Variants in C1orf87 observed in about 807,000 individuals in gnomAD.
C1orf87 encodes chromosome 1 open reading frame 87.
Under a neutral mutation model 60.5 loss-of-function variants are expected in C1orf87, and 58 were observed. The ratio of observed to expected loss-of-function variants is 0.96; its 90% CI spans 0.78 to 1.19. The LOEUF is 1.19. Among genes scored for constraint, C1orf87 ranks in the 50% most tolerant of loss-of-function variants. The pLI is 0.00. For synonymous variants in C1orf87, 236 were observed against 227.4 expected, an observed-to-expected ratio of 1.04 and a Z score of -0.34; for missense variants, 673 against 638.6, an observed-to-expected ratio of 1.05 and a Z score of -0.58.
At chr1:60,049,049 T>C (rs528951179) in intron 3 of C1orf87, among the ~76,000 whole-genome samples, 66 of 152,132 alleles carry the variant, frequency 4.3e-4, no homozygotes, top group Admixed American at 1.4e-3. Flanking sequence ...GTATATCTTC[T>C]GCATAAATCT....
At chr1:60,040,937 A>G in intron 4 of C1orf87, 54 bp downstream of exon 4, 1 of 1,509,290 alleles carries the variant, frequency 6.6e-7, no homozygotes, top group African/African-American at 1.4e-5. Context: ...AATTGAGTCA[A>G]CAACACTCCT....
At chr1:60,005,770 C>CGT (rs139222813) in intron 9 of C1orf87, among the ~76,000 whole-genome samples, 2,673 of 143,960 alleles carry the variant, frequency 0.019, 40 homozygotes, top group African/African-American at 0.04. Context: ...GAAGCTGATT[C>CGT]GTGTGTGTGT....
At chr1:60,008,681 T>C (rs945751901) in intron 9 of C1orf87, 3 of 456,166 alleles carry the variant, frequency 6.6e-6, no homozygotes, top group Non-Finnish European at 1.3e-5. Flanking sequence ...ATAATGTTTT[T>C]CAGCATTCTC....
chr1:59,994,564 A>G (rs879257196), intron 11 of C1orf87, among the ~76,000 whole-genome samples: 3 of 152,178 alleles, frequency 2.0e-5, no homozygotes, highest in Admixed American at 2.0e-4. Context: ...CTTTCTATTT[A>G]GCTTTCACTT....
chr1:60,029,307 T>A (rs1350147818), intron 7 of C1orf87, among the ~76,000 whole-genome samples: 2 of 152,200 alleles, frequency 1.3e-5, no homozygotes, highest in African/African-American at 4.8e-5. Context: ...TTGCCTGGAT[T>A]ATTGAAACAG....
At chr1:60,011,930 G>A (rs1427826441) in intron 8 of C1orf87, among the ~76,000 whole-genome samples, 2 of 152,026 alleles carry the variant, frequency 1.3e-5, no homozygotes, top group African/African-American at 2.4e-5. Context: ...GGATATGCAG[G>A]ACTGCTAGTC....
chr1:59,990,787 A>G lies in C1orf87; in HGVS notation c.1527T>C (p.Asn509=), dbSNP rs1157328000. 2 of 1,613,998 alleles carry G rather than the reference A, an allele frequency of 1.2e-6. No homozygotes were observed. Among genetic ancestry groups the G allele is most frequent in the Admixed American group, 3.3e-5 (2 of 59,996 alleles). Residue 509 remains asparagine, a synonymous_variant, in exon 12 of 12, where the codon AAT becomes AAC. Transcript: ENST00000371201. ...ERARRLIHNY[N]LIYNLSLSPQ... The stretch of plus-strand genomic sequence containing the variant: ...GGCTCAGGGACAGGTTGTAAATGAG[A>G]TTGTAGTTGTGAATGAGGCGTCTGG...
At chr1:60,062,006 C>T (rs1233104418) in intron 2 of C1orf87, among the ~76,000 whole-genome samples, 1 of 152,090 alleles carries the variant, frequency 6.6e-6, no homozygotes, top group Non-Finnish European at 1.5e-5. Context: ...CAATGGGTAG[C>T]CCTGGCAGGA....
chr1:60,027,372 C>T (rs1447317836), intron 7 of C1orf87, among the ~76,000 whole-genome samples: 1 of 152,174 alleles, frequency 6.6e-6, no homozygotes, highest in Admixed American at 6.5e-5. Context: ...CCCTGCTCTG[C>T]CCATTCCCCA....
intron 11 of C1orf87, among the ~76,000 whole-genome samples, chr1:59,992,188 T>C (rs1644928490): frequency 6.6e-6 from 1 of 151,984 alleles, no homozygotes; most frequent in Admixed American, 6.6e-5. Context: ...CAGTACGTTA[T>C]GGAATGAGGG....
chr1:59,990,563 G>C lies in C1orf87; in HGVS notation c.*110C>G, dbSNP rs1574287637. ...AAAAGCATCTACAATAGCTGCATCGGCCTCCACTCTGACAATGCCTCCGCC... is the reference window on the plus strand; with the variant it reads ...AAAAGCATCTACAATAGCTGCATCGCCCTCCACTCTGACAATGCCTCCGCC... On this transcript the variant is annotated 3_prime_UTR_variant, in exon 12 of 12. Transcript: ENST00000371201. The C allele has an allele frequency of 7.8e-7, 1 of 1,289,528 alleles. No individual in the cohort carries two copies. The highest frequency in any genetic ancestry group is 2.3e-5 in the East Asian group (1 of 42,874). The allele number at this position is 1,289,528 out of a possible 1,614,324, so 79.9% of individuals were successfully genotyped here. A position where few individuals can be genotyped will look rare whatever the true frequency, so the allele number is the denominator to read the frequency against.
In C1orf87 at chr1:60,055,206, TG is replaced by T. The variant is rs755373258; in HGVS notation, c.339del (p.Asn114IlefsTer40). On this transcript the variant is annotated frameshift_variant, in exon 3 of 12. Coordinates refer to ENST00000371201, the MANE Select transcript of C1orf87 (RefSeq NM_152377.3). LOFTEE classifies it high-confidence loss of function. ...CGTGGGTATTTTTTGTCACTCACAT[TG>T]CCATCCAGGAATCTGCTACTGTTTG... ...TGANSSRFLDGNIPSQANVHC... is the reference protein window; with the variant it reads ...TGANSSRFLDXNIPSQANVHC... The T allele has an allele frequency of 2.3e-5, 37 of 1,609,970 alleles. No homozygotes were observed. Among genetic ancestry groups the T allele is most frequent in the Non-Finnish European group, 3.0e-5 (35 of 1,176,436 alleles).
At chr1:59,991,105 G>T (rs575262642) in intron 11 of C1orf87, among the ~76,000 whole-genome samples, 2 of 152,270 alleles carry the variant, frequency 1.3e-5, no homozygotes, top group African/African-American at 2.4e-5. Flanking sequence ...AGCAATTTAG[G>T]CTTTTCTTTG....
intron 3 of C1orf87, among the ~76,000 whole-genome samples, chr1:60,046,312 C>A (rs1197944141): frequency 7.2e-6 from 1 of 138,996 alleles, no homozygotes; most frequent in Non-Finnish European, 1.6e-5. Context: ...CCCTCCCTCC[C>A]CTACCCTCCC....
At chr1:60,040,219 A>G (rs1236200788) in intron 4 of C1orf87, 39 bp from the exon 5 acceptor site, 1 of 1,579,950 alleles carries the variant, frequency 6.3e-7, no homozygotes, top group Non-Finnish European at 8.6e-7. Flanking sequence ...AGACTCTTCA[A>G]TCAGCCGGCT....
chr1:60,032,467 T>G (rs555386047), intron 7 of C1orf87, among the ~76,000 whole-genome samples: 2 of 137,982 alleles, frequency 1.4e-5, no homozygotes, highest in South Asian at 5.0e-4. Flanking sequence ...AGACTGAGTC[T>G]CGCTCTGTCA....
chr1:60,039,981 G>A lies in C1orf87; in HGVS notation c.683C>T (p.Pro228Leu). Residue 228 changes from proline to leucine, a missense_variant, in exon 5 of 12, where the codon CCT (proline) becomes CTT (leucine). By Grantham distance (98) the Pro-to-Leu change is moderately conservative. Coordinates refer to ENST00000371201, the MANE Select transcript of C1orf87 (RefSeq NM_152377.3). The stretch of plus-strand genomic sequence containing the variant: ...GATTTTAACTGTTGGTAACTGTAGA[G>A]GGACTTCATGCTTCAAAAAGAGGCG... ...LSRLFLKHEV[P>L]LQLPTVKILC... is the part of the protein sequence containing the mutation. 2 of 1,614,134 alleles carry A rather than the reference G, an allele frequency of 1.2e-6. No individual in the cohort carries two copies. Among genetic ancestry groups the A allele is most frequent in the African/African-American group, 2.7e-5 (2 of 75,046 alleles).
At chr1:60,034,230 A>G (rs565448371) in intron 6 of C1orf87, among the ~76,000 whole-genome samples, 78 of 152,358 alleles carry the variant, frequency 5.1e-4, no homozygotes, top group South Asian at 3.1e-3. Context: ...GCAAATGTAC[A>G]TAAGTATTAA....
chr1:60,035,250 T>C (rs1645267456), intron 6 of C1orf87, among the ~76,000 whole-genome samples: 1 of 152,210 alleles, frequency 6.6e-6, no homozygotes, highest in South Asian at 2.1e-4. Context: ...TAAGTCTTCC[T>C]TCCTCTTTTC....
Sources: gnomAD v4.1 joint callset for allele counts (sites outside exome capture counted in the v4.1 genomes callset) on GRCh38, gnomAD v4.1.1 for gene constraint, MANE v1.5 for transcripts, NCBI Gene and HGNC (gene_info 2026-07-23, HGNC 2026-07-21) for gene names.